Variants in DNAH2 observed in about 807,000 individuals in gnomAD.
DNAH2 encodes axonemal beta dynein heavy chain 2.
Under a neutral mutation model 523.5 loss-of-function variants are expected in DNAH2, and 323 were observed. That is an observed-to-expected ratio of 0.62 (90% CI 0.56 to 0.68). DNAH2 has a LOEUF of 0.68. Among genes scored for constraint, DNAH2 ranks in the 30% least tolerant of loss-of-function variants. DNAH2 has a pLI of 0.00. For synonymous variants in DNAH2, 2,093 were observed against 2,177.4 expected, an observed-to-expected ratio of 0.96 and a Z score of 1.08; for missense variants, 4,907 against 5,701.5, an observed-to-expected ratio of 0.86 and a Z score of 4.49.
intron 84 of DNAH2, 43 bp from the exon 85 acceptor site, chr17:7,833,028 T>G: frequency 6.2e-7 from 1 of 1,613,000 alleles, no homozygotes; most frequent in Non-Finnish European, 8.5e-7. Flanking sequence ...GCGCTGGCAA[T>G]TGAAGTCTAG....
intron 58 of DNAH2, among the ~76,000 whole-genome samples, chr17:7,802,301 A>G (rs2077245086): frequency 6.6e-6 from 1 of 152,218 alleles, no homozygotes; most frequent in African/African-American, 2.4e-5. Flanking sequence ...GCCATAATAT[A>G]CCCAGTCCTT....
chr17:7,745,352 T>C (rs1391624226), intron 12 of DNAH2, among the ~76,000 whole-genome samples: 2 of 151,980 alleles, frequency 1.3e-5, no homozygotes, highest in African/African-American at 4.8e-5. Context: ...GGTAAAGAAA[T>C]GCTGTGTGTG....
intron 35 of DNAH2, among the ~76,000 whole-genome samples, chr17:7,778,740 T>C (rs1201156444): frequency 6.6e-6 from 1 of 152,074 alleles, no homozygotes; most frequent in Non-Finnish European, 1.5e-5. Flanking sequence ...GGAGAATTTT[T>C]GTATTTTTAG....
intron 33 of DNAH2, 22 bp downstream of exon 33, chr17:7,777,656 C>G: frequency 1.2e-6 from 2 of 1,613,002 alleles, no homozygotes; most frequent in East Asian, 2.2e-5. Context: ...GCCACCTCCC[C>G]ACTCTCTTAC....
At chr17:7,809,495 C>T (rs756176756) in intron 63 of DNAH2, among the ~76,000 whole-genome samples, 5 of 152,206 alleles carry the variant, frequency 3.3e-5, no homozygotes, top group African/African-American at 7.2e-5. Flanking sequence ...CCGCCACCTC[C>T]CAACCTCTCA....
Position 7,818,295 on chromosome 17 carries a change from C to A in DNAH2, c.10388-17C>A. On this transcript the variant is annotated splice_polypyrimidine_tract_variant and intron_variant, in intron 68 of 85. Coordinates refer to ENST00000572933, the MANE Select transcript of DNAH2 (RefSeq NM_020877.5). ...CATCACATGGAGTCCTTGCCCCTGA[C>A]CCTTCCGTGGATGCAGGTGGTCGGC... 6.2e-7 allele frequency: 1 copy of A among 1,613,318 alleles called. No individual in the cohort carries two copies.
chr17:7,779,852 T>A (rs1268881299), intron 36 of DNAH2, among the ~76,000 whole-genome samples: 1 of 152,166 alleles, frequency 6.6e-6, no homozygotes, highest in East Asian at 1.9e-4. Flanking sequence ...CAGCTGTGAT[T>A]TCTATTAGGA....
At chr17:7,814,969 C>T (rs954512175) in intron 63 of DNAH2, among the ~76,000 whole-genome samples, 3 of 152,068 alleles carry the variant, frequency 2.0e-5, no homozygotes, top group African/African-American at 2.4e-5. Context: ...TAACCTCGTG[C>T]ATGTATGTCT....
chr17:7,814,185 CA>C (rs59214536), intron 63 of DNAH2, among the ~76,000 whole-genome samples: 21,572 of 101,394 alleles, frequency 0.21, 2,076 homozygotes, highest in African/African-American at 0.47. Context: ...CACTATTCTC[CA>C]AAAAAAAAAA....
chr17:7,777,738 A>C (rs1346204759), intron 33 of DNAH2, 104 bp downstream of exon 33: 1 of 1,411,090 alleles, frequency 7.1e-7, no homozygotes, highest in Non-Finnish European at 9.8e-7. Context: ...GCCAACCCTT[A>C]GTCCTGTCCC....
Position 7,779,383 on chromosome 17 carries a change from T to G in DNAH2, c.5682T>G (p.Asn1894Lys). The change falls in exon 36 of 86, where the codon AAT becomes AAG. Residue 1894 changes from asparagine to lysine, a missense_variant. Asn to Lys is a moderately conservative substitution (Grantham distance 94). This residue lies in a region of DNAH2 where 2,806 missense variants were observed against 3,190.8 expected (regional missense o/e 0.88). Coordinates refer to ENST00000572933, the MANE Select transcript of DNAH2 (RefSeq NM_020877.5). ...TCCATTTTGATGGCTTTGAAATAAATCTGGTGTGGTCCTGTGGGATCTTCA... is the reference window on the plus strand; with the variant it reads ...TCCATTTTGATGGCTTTGAAATAAAGCTGGTGTGGTCCTGTGGGATCTTCA... ...THFHFDGFEI[N>K]LVWSCGIFIT... 1.2e-6 allele frequency: 2 copies of G among 1,613,976 alleles called. No homozygotes were observed. Among genetic ancestry groups the G allele is most frequent in the Non-Finnish European group, 1.7e-6 (2 of 1,179,968 alleles).
Position 7,792,811 on chromosome 17 carries a change from C to A in DNAH2, c.7300C>A (p.Pro2434Thr). The change falls in exon 47 of 86, where the codon CCC becomes ACC. Residue 2434 changes from proline (P) to threonine (T), a missense_variant. Pro to Thr is a conservative substitution (Grantham distance 38, BLOSUM62 -1). Transcript: ENST00000572933. ...CGCCCAGAGCGTTCTGCAGTCCCTG[C>A]CCTCCAGCCAGTGGTCGGTGCTCGT... ...SIAQSVLQSL[P>T]SSQWSVLVVN... The A allele has an allele frequency of 1.2e-6, 2 of 1,614,180 alleles. No individual in the cohort carries two copies. Among genetic ancestry groups the A allele is most frequent in the Non-Finnish European group, 1.7e-6 (2 of 1,180,024 alleles).
intron 9 of DNAH2, 92 bp downstream of exon 9, chr17:7,740,030 A>T: frequency 8.9e-6 from 9 of 1,010,524 alleles, no homozygotes; most frequent in Non-Finnish European, 1.2e-5. Context: ...TGCAAAGGAA[A>T]TGGTGGAAGG....
In DNAH2 at chr17:7,833,237, A is replaced by AG; in HGVS notation, c.13129+18dup. The AG allele has an allele frequency of 6.2e-7, 1 of 1,606,814 alleles. No homozygotes were observed. Among genetic ancestry groups the AG allele is most frequent in the Non-Finnish European group, 8.5e-7 (1 of 1,179,828 alleles). ...AGCGCCAAGGGTGGGACAGCTCCCC[A>AG]GGCAGGACCTGCCTGCCCCGTCCCT... is the stretch of plus-strand genomic sequence containing the variant. On this transcript the variant is annotated intron_variant, in intron 85 of 85. Coordinates refer to ENST00000572933, the MANE Select transcript of DNAH2 (RefSeq NM_020877.5).
In DNAH2 at chr17:7,796,592, G is replaced by A; in HGVS notation, c.7803G>A (p.Gln2601=). 1 of 1,613,236 alleles carries A rather than the reference G, an allele frequency of 6.2e-7. No homozygotes were observed. The highest frequency in any genetic ancestry group is 8.5e-7 in the Non-Finnish European group (1 of 1,179,864). Reference sequence around the variant, plus strand: ...TGGACATGTACAACACCGTGGTACAGCGCTTCCTGCCCACGCCCACCAAGA... The same window carrying A: ...TGGACATGTACAACACCGTGGTACAACGCTTCCTGCCCACGCCCACCAAGA... ...ATLDMYNTVV[Q]RFLPTPTKMH... Residue 2601 remains glutamine (Q), a synonymous_variant, in exon 50 of 86, where the codon CAG becomes CAA. Transcript: ENST00000572933.
In DNAH2 at chr17:7,727,162, C is replaced by T. The variant is rs556580433; in HGVS notation, c.269C>T (p.Ala90Val). 1.2e-5 allele frequency: 19 copies of T among 1,599,096 alleles called. No individual in the cohort carries two copies. The highest frequency in any genetic ancestry group is 8.9e-5 in the Admixed American group (5 of 55,970). Residue 90 changes from alanine (A) to valine (V), a missense_variant, in exon 4 of 86, where the codon GCG (alanine) becomes GTG (valine). Coordinates refer to ENST00000572933, the MANE Select transcript of DNAH2 (RefSeq NM_020877.5). ...TCCCGAGCTGCGCTGACAGGACTGG[C>T]GGATGCAGTGTGGACACAGGAGCAT... is the stretch of plus-strand genomic sequence containing the variant. ...FLSRAALTGL[A>V]DAVWTQEHDA...
chr17:7,809,098 A>C (rs2077443011), intron 63 of DNAH2, among the ~76,000 whole-genome samples: 1 of 152,170 alleles, frequency 6.6e-6, no homozygotes, highest in Admixed American at 6.5e-5. Flanking sequence ...TTGCCCTGTA[A>C]CTTTGTTGGT....
At chr17:7,766,519 T>C (rs771906881) in intron 22 of DNAH2, 38 bp downstream of exon 22, 114 of 1,603,676 alleles carry the variant, frequency 7.1e-5, no homozygotes, top group Non-Finnish European at 9.1e-5. Flanking sequence ...TCACTGTCGA[T>C]AAGGGGCAGG....
In DNAH2 at chr17:7,754,167, G is replaced by A. The variant is rs774890079; in HGVS notation, c.1905-2924G>A. On this transcript the variant is annotated intron_variant, in intron 12 of 85. Transcript: ENST00000572933. This position sits in a 1 kb window ranked among gnomAD's most constrained non-coding sequence, Gnocchi z 4.6. ...AAAGCAGGCAGGCCGTGAAGGGGAG[G>A]ACAGGATATGGCACCTGAAGAAGGA... 3.0e-4 allele frequency among the ~76,000 whole-genome samples: 45 copies of A among 152,062 alleles called. No homozygotes were observed. Among genetic ancestry groups the A allele is most frequent in the Non-Finnish European group, 5.0e-4 (34 of 68,006 alleles).
Sources: allele counts gnomAD v4.1 joint callset (sites outside exome capture counted in the v4.1 genomes callset), GRCh38; gene constraint gnomAD v4.1.1; regional missense constraint gnomAD v4.1.1; non-coding constraint Gnocchi (gnomAD v3.1); transcripts MANE v1.5; gene names NCBI Gene and HGNC (gene_info 2026-07-23, HGNC 2026-07-21).